The following ANO3 variants were observed in gnomAD, a reference collection of about 807,000 sequenced individuals.
ANO3 encodes anoctamin-3.
A neutral mutation model predicts 144.8 loss-of-function variants in ANO3; 99 were observed. The observed-to-expected ratio is 0.68, with a 90% CI of 0.58 to 0.81. The LOEUF (loss-of-function observed/expected upper bound fraction) is 0.81. ANO3 is among the 30% of genes least tolerant of loss of function. The pLI, the probability that ANO3 is intolerant of heterozygous loss-of-function variation, is 0.00. For synonymous variants in ANO3, 414 were observed against 392.6 expected (o/e 1.05, Z -0.64); for missense variants, 905 against 1,202.2 (o/e 0.75, Z 3.66).
chr11:26,631,532 T>C (rs1353840230), intron 18 of ANO3, among the ~76,000 whole-genome samples: 2 of 152,108 alleles, frequency 1.3e-5, no homozygotes, highest in East Asian at 3.9e-4. Flanking sequence ...CTTTCAATTA[T>C]CTGTAAGAAT....
intron 17 of ANO3, among the ~76,000 whole-genome samples, chr11:26,621,317 T>C (rs747989950): frequency 6.6e-6 from 1 of 152,160 alleles, no homozygotes; most frequent in Non-Finnish European, 1.5e-5. Flanking sequence ...CATCTCTTAC[T>C]ACTTCACTGT....
Position 26,546,736 on chromosome 11 carries a change from A to T in ANO3, c.1155-680A>T, listed in dbSNP as rs115271682. Among the ~76,000 whole-genome samples the T allele has an allele frequency of 3.3e-3, 507 of 152,054 alleles. 3 individuals are homozygous for T. The highest frequency in any genetic ancestry group is 0.012 in the African/African-American group (479 of 41,516). On this transcript the variant is annotated intron_variant, in intron 11 of 26. Coordinates refer to ENST00000256737, the MANE Select transcript of ANO3 (RefSeq NM_031418.4). The stretch of plus-strand genomic sequence containing the variant: ...AACTAGAGGGGAATTAAACGCATTA[A>T]CTCTCTTAGCATCCTTCGATACTTC...
At chr11:26,344,510 C>T (rs1453060890) in intron 1 of ANO3, among the ~76,000 whole-genome samples, 2 of 151,734 alleles carry the variant, frequency 1.3e-5, no homozygotes, top group South Asian at 2.1e-4. Context: ...GGACTACAGG[C>T]GCCTGCCACC....
chr11:26,192,584 C>A (rs1390541243), intron 1 of ANO3, among the ~76,000 whole-genome samples: 1 of 152,156 alleles, frequency 6.6e-6, no homozygotes, highest in Non-Finnish European at 1.5e-5. Context: ...AATACAGAAT[C>A]TCAATCATTC....
chr11:26,521,273 T>C (rs1332471037), intron 6 of ANO3, among the ~76,000 whole-genome samples: 1 of 152,188 alleles, frequency 6.6e-6, no homozygotes, highest in Non-Finnish European at 1.5e-5. Flanking sequence ...TGTATCTCTT[T>C]TTAGGATAAT....
At chr11:26,407,076 G>GTATA (rs374806519) in intron 1 of ANO3, among the ~76,000 whole-genome samples, 27 of 101,512 alleles carry the variant, frequency 2.7e-4, no homozygotes, top group African/African-American at 8.6e-4. Context: ...GTGTGTGTGT[G>GTATA]TATATATATA....
chr11:26,262,739 C>CAGAG (rs926800288), intron 1 of ANO3, among the ~76,000 whole-genome samples: 8 of 148,784 alleles, frequency 5.4e-5, no homozygotes, highest in South Asian at 2.1e-4. Context: ...CACACACACA[C>CAGAG]AGAGAGAGAG....
intron 1 of ANO3, among the ~76,000 whole-genome samples, chr11:26,284,813 G>A (rs1049755577): frequency 9.9e-5 from 15 of 152,172 alleles, no homozygotes; most frequent in Admixed American, 9.2e-4. Flanking sequence ...GGCTGAGGCA[G>A]AAGATGACGT....
Position 26,392,239 on chromosome 11 carries a change from CT to C in ANO3, c.47-49662del, listed in dbSNP as rs33986969. ...TGTGTCGTACATGGTGAATTCCTGC[CT>C]TTTTTTTTTTTTTTTTAAGAATATG... On this transcript the variant is annotated intron_variant, in intron 1 of 26. Transcript: ENST00000256737. Among the ~76,000 whole-genome samples, 594 of 130,578 alleles carry C rather than the reference CT, an allele frequency of 4.5e-3. 2 individuals are homozygous for C. The highest frequency in any genetic ancestry group is 9.9e-3 in the African/African-American group (348 of 35,318). 85.7% of individuals were successfully genotyped at this position (130,578 alleles called of 152,430 possible).
intron 14 of ANO3, among the ~76,000 whole-genome samples, chr11:26,580,810 G>T (rs1394327062): frequency 2.0e-5 from 3 of 152,108 alleles, no homozygotes; most frequent in Admixed American, 2.0e-4. Flanking sequence ...CCAATGCAAA[G>T]ATTTATATCT....
At chr11:26,274,400 G>A (rs1334794638) in intron 1 of ANO3, among the ~76,000 whole-genome samples, 1 of 151,906 alleles carries the variant, frequency 6.6e-6, no homozygotes, top group African/African-American at 2.4e-5. Context: ...GTATGTTTAT[G>A]TTGTCCCTAA....
rs189785339 is a variant in ANO3 at position 26,582,625 on chromosome 11, C to T, written c.1448-15740C>T. On this transcript the variant is annotated intron_variant, in intron 14 of 26. Coordinates refer to ENST00000256737, the MANE Select transcript of ANO3 (RefSeq NM_031418.4). ...CAGCAAGGTGTCAGTCCTGAATATA[C>T]TGCTCAAGAAAACATACTTTGGATA... Among the ~76,000 whole-genome samples, 131 of 152,290 alleles carry T rather than the reference C, an allele frequency of 8.6e-4. 1 individual carries two copies. The highest frequency in any genetic ancestry group is 1.6e-3 in the Non-Finnish European group (107 of 68,028).
chr11:26,490,658 C>G (rs934526365), intron 4 of ANO3, among the ~76,000 whole-genome samples: 1 of 152,134 alleles, frequency 6.6e-6, no homozygotes, highest in Non-Finnish European at 1.5e-5. Context: ...GGCCAAGAGC[C>G]CTGTGATTTC....
intron 1 of ANO3, among the ~76,000 whole-genome samples, chr11:26,196,702 A>G (rs1447240775): frequency 6.6e-6 from 1 of 152,194 alleles, no homozygotes; most frequent in Non-Finnish European, 1.5e-5. Flanking sequence ...TGTATACTTC[A>G]TAAGATTCAT....
intron 14 of ANO3, among the ~76,000 whole-genome samples, chr11:26,595,961 G>A (rs865774007): frequency 3.3e-5 from 5 of 152,064 alleles, no homozygotes; most frequent in South Asian, 2.1e-4. Context: ...TGGGCCATTC[G>A]CGGGTTACTG....
chr11:26,441,120 T>TG (rs1235883966), intron 1 of ANO3, among the ~76,000 whole-genome samples: 3 of 123,346 alleles, frequency 2.4e-5, no homozygotes, highest in African/African-American at 3.2e-5. Context: ...TTTTTTTTTT[T>TG]TTTTTTTTTT....
chr11:26,483,029 C>T (rs997474822), intron 4 of ANO3, among the ~76,000 whole-genome samples: 1 of 152,048 alleles, frequency 6.6e-6, no homozygotes, highest in African/African-American at 2.4e-5. Flanking sequence ...CTGCAATAAA[C>T]ATACTAGTGC....
At chr11:26,657,297 A>AT (rs1317867299) in intron 26 of ANO3, among the ~76,000 whole-genome samples, 3 of 152,174 alleles carry the variant, frequency 2.0e-5, no homozygotes, top group African/African-American at 7.2e-5. Context: ...CTTTAAAATG[A>AT]AATGCTTACC....
chr11:26,235,649 G>T, intron 1 of ANO3, among the ~76,000 whole-genome samples: 1 of 148,620 alleles, frequency 6.7e-6, no homozygotes, highest in African/African-American at 2.5e-5. Flanking sequence ...AGGTTCAACA[G>T]TTTCTTACAT....
Sources: gnomAD v4.1 joint callset for allele counts (sites outside exome capture counted in the v4.1 genomes callset) on GRCh38, gnomAD v4.1.1 for gene constraint, MANE v1.5 for transcripts, NCBI Gene and HGNC (gene_info 2026-07-23, HGNC 2026-07-21) for gene names.